Variants in FUBP3 observed in about 807,000 individuals in gnomAD.
FUBP3 encodes far upstream element binding protein 3.
Under a neutral mutation model 85.6 loss-of-function variants are expected in FUBP3, and 28 were observed. That is an observed-to-expected ratio of 0.33 (90% CI 0.24 to 0.45). The LOEUF is 0.45. Ranked by LOEUF, FUBP3 falls within the 20% of genes least tolerant of loss-of-function variation. The probability of loss-of-function intolerance (pLI) is 1.00; values close to 1 mark genes in which losing one functional copy is unlikely to be tolerated. For synonymous variants in FUBP3, 271 were observed against 271.4 expected, an observed-to-expected ratio of 1.00 and a Z score of 0.01; for missense variants, 583 against 755.1, an observed-to-expected ratio of 0.77 and a Z score of 2.67.
At chr9:130,619,336 C>G (rs1832180613) in intron 8 of FUBP3, among the ~76,000 whole-genome samples, 1 of 148,850 alleles carries the variant, frequency 6.7e-6, no homozygotes, top group Admixed American at 6.7e-5. Context: ...GGAGATGGAG[C>G]CTGCTGTACT....
chr9:130,583,160 G>A (rs372160336), intron 1 of FUBP3, among the ~76,000 whole-genome samples: 12 of 152,248 alleles, frequency 7.9e-5, no homozygotes, highest in Non-Finnish European at 1.0e-4. Context: ...TTTTAGGCCC[G>A]AACCTCTTCT....
intron 11 of FUBP3, among the ~76,000 whole-genome samples, chr9:130,625,410 C>T (rs1172362104): frequency 6.6e-6 from 1 of 152,212 alleles, no homozygotes; most frequent in East Asian, 1.9e-4. Flanking sequence ...ATTGTCTCAG[C>T]TTTCTGCTGG....
intron 1 of FUBP3, among the ~76,000 whole-genome samples, chr9:130,593,320 C>G (rs1438177411): frequency 6.6e-6 from 1 of 152,168 alleles, no homozygotes; most frequent in African/African-American, 2.4e-5. Context: ...AAGTGCCAGG[C>G]CTGGTAGTTC....
chr9:130,619,727 T>G (rs1244957122), intron 8 of FUBP3, among the ~76,000 whole-genome samples: 1 of 152,210 alleles, frequency 6.6e-6, no homozygotes, highest in Non-Finnish European at 1.5e-5. Flanking sequence ...GCCAAGTGTG[T>G]GTTTTGGGGA....
intron 2 of FUBP3, among the ~76,000 whole-genome samples, chr9:130,607,192 G>A (rs758722705): frequency 2.0e-5 from 3 of 151,200 alleles, no homozygotes; most frequent in Non-Finnish European, 1.5e-5. Flanking sequence ...GGCAGGTCTC[G>A]AACTCCTGGC....
intron 3 of FUBP3, among the ~76,000 whole-genome samples, chr9:130,610,299 G>A (rs1172031995): frequency 6.6e-6 from 1 of 152,226 alleles, no homozygotes; most frequent in Non-Finnish European, 1.5e-5. Context: ...TGGTTTTGTG[G>A]TGTTGCCAGT....
At chr9:130,590,122 T>A (rs1243542445) in intron 1 of FUBP3, among the ~76,000 whole-genome samples, 1 of 139,388 alleles carries the variant, frequency 7.2e-6, no homozygotes, top group African/African-American at 2.7e-5. Flanking sequence ...GGGAACTAAG[T>A]CAGTATCATA....
rs1198503999 is a variant in FUBP3, at chr9:130,627,554, T to C, written c.1117+1049T>C. Reference sequence around the variant, plus strand: ...CCTGCTCACAGACACTGTGGGCTTATGCTCTTGCAAAATGCAAGAAACCGT... The same window carrying C: ...CCTGCTCACAGACACTGTGGGCTTACGCTCTTGCAAAATGCAAGAAACCGT... On this transcript the variant is annotated intron_variant, in intron 12 of 18. Transcript: ENST00000319725. Among the ~76,000 whole-genome samples the C allele has an allele frequency of 9.8e-5, 15 of 152,366 alleles. 1 individual carries two copies. In the South Asian group the frequency reaches 2.9e-3, roughly 29 times the overall value.
At chr9:130,621,642 C>T (rs1303757362) in intron 9 of FUBP3, among the ~76,000 whole-genome samples, 4 of 152,202 alleles carry the variant, frequency 2.6e-5, no homozygotes. Context: ...CATGGTGGCT[C>T]ACGCCTGTAA....
chr9:130,579,724 A>G lies in FUBP3; in HGVS notation c.44A>G (p.Lys15Arg). 1 of 1,278,322 alleles carries G rather than the reference A, an allele frequency of 7.8e-7. No homozygotes were observed. Among genetic ancestry groups the G allele is most frequent in the Non-Finnish European group, 9.9e-7 (1 of 1,009,018 alleles). 79.2% of individuals were successfully genotyped at this position (1,278,322 alleles called of 1,614,324 possible). ...GGGCAGAGCGCTCCTGTGGGGATGA[A>G]GGCCGAGGGCTTCGTGGATGCCCTG... is the stretch of plus-strand genomic sequence containing the variant. ...VQGQSAPVGM[K>R]AEGFVDALHR... The change falls in exon 1 of 19, where the codon AAG becomes AGG. Residue 15 changes from lysine to arginine, a missense_variant. Lys to Arg is a conservative substitution (Grantham distance 26). Around this residue, in one of 3 missense-constraint regions of FUBP3, gnomAD observed 177 missense variants for 221.9 expected, o/e 0.80. Coordinates refer to ENST00000319725, the MANE Select transcript of FUBP3 (RefSeq NM_003934.2).
chr9:130,629,409 G>A (rs1449206742), intron 12 of FUBP3, among the ~76,000 whole-genome samples: 1 of 152,236 alleles, frequency 6.6e-6, no homozygotes, highest in East Asian at 1.9e-4. Flanking sequence ...TTATCTGCAT[G>A]CCATGTCTCC....
In FUBP3 at chr9:130,579,711, C is replaced by T. The variant is rs1433575624; in HGVS notation, c.31C>T (p.Pro11Ser). The stretch of plus-strand genomic sequence containing the variant: ...GGAGCTGGTGCAGGGGCAGAGCGCT[C>T]CTGTGGGGATGAAGGCCGAGGGCTT... MAELVQGQSA[P>S]VGMKAEGFVD... is the part of the protein sequence containing the mutation. Residue 11 changes from proline (P) to serine (S), a missense_variant, in exon 1 of 19, where the codon CCT (proline) becomes TCT (serine). This residue lies in a region of FUBP3 where 177 missense variants were observed against 221.9 expected (regional missense o/e 0.80). Coordinates refer to ENST00000319725, the MANE Select transcript of FUBP3 (RefSeq NM_003934.2). The T allele has an allele frequency of 6.3e-6, 8 of 1,273,242 alleles. No homozygotes were observed. The highest frequency in any genetic ancestry group is 6.0e-6 in the Non-Finnish European group (6 of 1,006,598). 78.9% of individuals were successfully genotyped at this position (1,273,242 alleles called of 1,614,324 possible). A position where few individuals can be genotyped will look rare whatever the true frequency, so the allele number is the denominator to read the frequency against.
chr9:130,604,076 A>G (rs1304946621), intron 2 of FUBP3, among the ~76,000 whole-genome samples: 1 of 152,212 alleles, frequency 6.6e-6, no homozygotes, highest in Non-Finnish European at 1.5e-5. Flanking sequence ...AATGCTGAGT[A>G]CATCCAGCAA....
At chr9:130,583,591 T>C (rs1830220280) in intron 1 of FUBP3, among the ~76,000 whole-genome samples, 1 of 152,170 alleles carries the variant, frequency 6.6e-6, no homozygotes, top group Admixed American at 6.5e-5. Context: ...AGGGACTAAC[T>C]CCTGCCTGTA....
intron 2 of FUBP3, among the ~76,000 whole-genome samples, chr9:130,602,782 G>C (rs1831218642): frequency 6.6e-6 from 1 of 152,118 alleles, no homozygotes; most frequent in South Asian, 2.1e-4. Flanking sequence ...GCAGATGAAG[G>C]CTTTCCAGGG....
chr9:130,589,825 C>T (rs1413026686), intron 1 of FUBP3, among the ~76,000 whole-genome samples: 4 of 148,728 alleles, frequency 2.7e-5, no homozygotes, highest in African/African-American at 9.9e-5. Flanking sequence ...ATCCTCCTGC[C>T]TCAGCCTCCC....
intron 1 of FUBP3, chr9:130,581,561 A>G (rs762953047): frequency 6.6e-5 from 10 of 152,236 alleles, no homozygotes; most frequent in East Asian, 1.9e-4. Context: ...GCATTGGGCA[A>G]GAACGGAATG....
chr9:130,597,344 GA>G (rs1830922798), intron 2 of FUBP3, among the ~76,000 whole-genome samples: 1 of 152,126 alleles, frequency 6.6e-6, no homozygotes, highest in Non-Finnish European at 1.5e-5. Context: ...TGCTTCAAGG[GA>G]AAGTTAGAAA....
At chr9:130,599,590 T>C (rs1179438835) in intron 2 of FUBP3, among the ~76,000 whole-genome samples, 1 of 152,078 alleles carries the variant, frequency 6.6e-6, no homozygotes, top group African/African-American at 2.4e-5. Flanking sequence ...TGAATGCCTG[T>C]CCGTGGGAAG....
Sources: gnomAD v4.1 joint callset for allele counts (sites outside exome capture counted in the v4.1 genomes callset) on GRCh38, gnomAD v4.1.1 for gene constraint, gnomAD v4.1.1 regional missense constraint, MANE v1.5 for transcripts, NCBI Gene and HGNC (gene_info 2026-07-23, HGNC 2026-07-21) for gene names.